ZFYVE28: variants seen among roughly 807,000 people sequenced by gnomAD.
ZFYVE28 encodes lateral signaling target protein 2 homolog.
In ZFYVE28, 40 loss-of-function variants were observed where a neutral mutation model predicts 82.1. That is an observed-to-expected ratio of 0.49 (90% CI 0.38 to 0.63). The LOEUF is 0.63. ZFYVE28 is among the 30% of genes least tolerant of loss of function. ZFYVE28 has a pLI of 0.00. For missense variants in ZFYVE28, 1,321 were observed against 1,242.1 expected, an observed-to-expected ratio of 1.06 and a Z score of -0.96; for synonymous variants, 612 against 546.1, an observed-to-expected ratio of 1.12 and a Z score of -1.68.
At position 2,372,801 on chromosome 4, in the gene ZFYVE28, C is replaced by T. The variant is rs1363993027; in HGVS notation, c.40-18728G>A. On this transcript the variant is annotated intron_variant, in intron 1 of 12. Coordinates refer to ENST00000290974, the MANE Select transcript of ZFYVE28 (RefSeq NM_020972.3). This position sits in a 1 kb window ranked among gnomAD's most constrained non-coding sequence, Gnocchi z 5.2. ...CTCCCTGGACCAAGGATGCTGCACA[C>T]CCCTAAGACCTAGCCTCCCCGAGGC... Among the ~76,000 whole-genome samples, 2 of 152,110 alleles carry T rather than the reference C, an allele frequency of 1.3e-5. No homozygotes were observed. Among genetic ancestry groups the T allele is most frequent in the African/African-American group, 4.8e-5 (2 of 41,406 alleles).
rs1691396597 is a variant in ZFYVE28, at chr4:2,409,352, C to T, written c.39+8933G>A. ...GTCCCAGCTTCCAATCTCGTCTCTC[C>T]CACAGCAGGCCTGGAAGGACCCCGC... On this transcript the variant is annotated intron_variant, in intron 1 of 12. Coordinates refer to ENST00000290974, the MANE Select transcript of ZFYVE28 (RefSeq NM_020972.3). The surrounding 1 kb of genome is among the most constrained non-coding windows in gnomAD (Gnocchi z 4.4). Among the ~76,000 whole-genome samples the T allele has an allele frequency of 6.6e-6, 1 of 152,084 alleles. No homozygotes were observed. The highest frequency in any genetic ancestry group is 6.6e-5 in the Admixed American group (1 of 15,266).
At chr4:2,395,507 G>A (rs75286588) in intron 1 of ZFYVE28, among the ~76,000 whole-genome samples, 1 of 152,190 alleles carries the variant, frequency 6.6e-6, no homozygotes, top group African/African-American at 2.4e-5. Context: ...AGTGTGAGGG[G>A]TGGGGACTCC....
chr4:2,407,055 A>G (rs1282246337), intron 1 of ZFYVE28, among the ~76,000 whole-genome samples: 1 of 151,996 alleles, frequency 6.6e-6, no homozygotes, highest in Non-Finnish European at 1.5e-5. Flanking sequence ...TGCCAGGAGC[A>G]CGGATGCTCA....
intron 1 of ZFYVE28, among the ~76,000 whole-genome samples, chr4:2,355,022 G>C (rs1725027903): frequency 6.6e-6 from 1 of 150,722 alleles, no homozygotes; most frequent in Non-Finnish European, 1.5e-5. Flanking sequence ...GTCTTCAACT[G>C]CAACCACCAC....
At chr4:2,402,371 TG>T (rs955566346) in intron 1 of ZFYVE28, among the ~76,000 whole-genome samples, 2 of 152,108 alleles carry the variant, frequency 1.3e-5, no homozygotes, top group Non-Finnish European at 2.9e-5. Context: ...CCCCGCCCGC[TG>T]CAGGAGCAGA....
intron 1 of ZFYVE28, among the ~76,000 whole-genome samples, chr4:2,401,162 C>G (rs769174527): frequency 6.6e-6 from 1 of 152,204 alleles, no homozygotes; most frequent in African/African-American, 2.4e-5. Context: ...GAAACATTTG[C>G]TCCATGGAAC....
At chr4:2,405,396 G>T (rs1731765478) in intron 1 of ZFYVE28, among the ~76,000 whole-genome samples, 2 of 152,252 alleles carry the variant, frequency 1.3e-5, no homozygotes, top group Admixed American at 1.3e-4. Context: ...AAGACCAATG[G>T]GACTTCCTTG....
chr4:2,271,256 G>A, intron 12 of ZFYVE28, 55 bp downstream of exon 12: 1 of 1,551,054 alleles, frequency 6.4e-7, no homozygotes, highest in Non-Finnish European at 8.8e-7. Context: ...CTCAGGCTCT[G>A]TCCGTGGACG....
chr4:2,346,678 G>A (rs6824938), intron 2 of ZFYVE28, among the ~76,000 whole-genome samples: 30,442 of 152,012 alleles, frequency 0.2, 3,792 homozygotes, highest in African/African-American at 0.35. Context: ...AATGTCATTT[G>A]AAGGTATCTG....
At chr4:2,273,532 G>A (rs1223456484) in intron 9 of ZFYVE28, among the ~76,000 whole-genome samples, 3 of 152,198 alleles carry the variant, frequency 2.0e-5, no homozygotes, top group South Asian at 2.1e-4. Context: ...CGCCACAGTC[G>A]GTCTGCCGCT....
Position 2,341,716 on chromosome 4 carries a change from G to C in ZFYVE28, c.181-101C>G. ...GCACGGTGCATGTGACTGTTTTTTAGGATTATTAAAGTGATAGAGGAGGCT... is the reference window on the plus strand; with the variant it reads ...GCACGGTGCATGTGACTGTTTTTTACGATTATTAAAGTGATAGAGGAGGCT... On this transcript the variant is annotated intron_variant, in intron 2 of 12. Coordinates refer to ENST00000290974, the MANE Select transcript of ZFYVE28 (RefSeq NM_020972.3). This position sits in a 1 kb window ranked among gnomAD's most constrained non-coding sequence, Gnocchi z 4.5. 1 of 1,504,152 alleles carries C rather than the reference G, an allele frequency of 6.6e-7. No individual in the cohort carries two copies. Among genetic ancestry groups the C allele is most frequent in the East Asian group, 2.3e-5 (1 of 43,506 alleles). The allele number at this position is 1,504,152 out of a possible 1,614,324, so 93.2% of individuals were successfully genotyped here. A position where few individuals can be genotyped will look rare whatever the true frequency, so the allele number is the denominator to read the frequency against.
At chr4:2,399,821 C>T (rs3128783) in intron 1 of ZFYVE28, among the ~76,000 whole-genome samples, 129,016 of 151,956 alleles carry the variant, frequency 0.85, 54,926 homozygotes, top group Admixed American at 0.9. Context: ...CAAACGCTGC[C>T]GGACGTGAGC....
intron 7 of ZFYVE28, among the ~76,000 whole-genome samples, chr4:2,317,437 C>G (rs1373130108): frequency 6.6e-6 from 1 of 152,182 alleles, no homozygotes; most frequent in Admixed American, 6.5e-5. Context: ...CCTTCGGACA[C>G]GGAGTAGGTT....
intron 2 of ZFYVE28, among the ~76,000 whole-genome samples, chr4:2,342,338 C>T (rs565786673): frequency 1.3e-5 from 2 of 152,336 alleles, no homozygotes; most frequent in East Asian, 1.9e-4. Context: ...CAGGTCACTT[C>T]GCCTCTCTGA....
At chr4:2,344,672 G>T (rs1021830326) in intron 2 of ZFYVE28, among the ~76,000 whole-genome samples, 1 of 150,778 alleles carries the variant, frequency 6.6e-6, no homozygotes, top group Non-Finnish European at 1.5e-5. Context: ...CAAGGTGGGT[G>T]GATCACCTGA....
rs749513788 is a variant in ZFYVE28, at chr4:2,304,450, AGTGGGGG to A, written c.1883_1889del (p.Ala628ValfsTer120). ...AGGTGTGAGGCAGGCACTTGTCGGA[AGTGGGGG>A]CTTTGGGCTCCCGCCCGTTGGAGGC... On this transcript the variant is annotated frameshift_variant, in exon 8 of 13. Coordinates refer to ENST00000290974, the MANE Select transcript of ZFYVE28 (RefSeq NM_020972.3). LOFTEE classifies it high-confidence loss of function. The A allele has an allele frequency of 6.2e-7, 1 of 1,613,642 alleles. No individual in the cohort carries two copies. The highest frequency in any genetic ancestry group is 2.2e-5 in the East Asian group (1 of 44,884).
At chr4:2,357,930 C>G (rs142574416) in intron 1 of ZFYVE28, among the ~76,000 whole-genome samples, 2,029 of 152,308 alleles carry the variant, frequency 0.013, 20 homozygotes, top group Middle Eastern at 0.034. Context: ...ACGGGCCCCT[C>G]GCTGCTTGGT....
Position 2,304,314 on chromosome 4 carries a change from C to A in ZFYVE28, c.2026G>T (p.Ala676Ser), listed in dbSNP as rs770775253. Reference protein sequence around the residue: ...LHAGSPSAHEAPQALSGSSSS... With the variant: ...LHAGSPSAHESPQALSGSSSS... ...CTGGAGCCCGACAGGGCCTGAGGCG[C>A]CTCGTGAGCCGAGGGGCTCCCAGCA... Residue 676 changes from alanine (A) to serine (S), a missense_variant, in exon 8 of 13, where the codon GCG (alanine) becomes TCG (serine). By Grantham distance (99) the Ala-to-Ser change is moderately conservative. Coordinates refer to ENST00000290974, the MANE Select transcript of ZFYVE28 (RefSeq NM_020972.3). The A allele has an allele frequency of 4.4e-6, 7 of 1,595,734 alleles. No individual in the cohort carries two copies. Among genetic ancestry groups the A allele is most frequent in the Non-Finnish European group, 6.0e-6 (7 of 1,175,904 alleles).
intron 1 of ZFYVE28, among the ~76,000 whole-genome samples, chr4:2,402,306 C>T (rs951259254): frequency 6.6e-6 from 1 of 152,176 alleles, no homozygotes; most frequent in Non-Finnish European, 1.5e-5. Flanking sequence ...GGGCTTGGAT[C>T]AGTAAGTCGG....
Sources: gnomAD v4.1 joint callset for allele counts (sites outside exome capture counted in the v4.1 genomes callset) on GRCh38, gnomAD v4.1.1 for gene constraint, Gnocchi (gnomAD v3.1) non-coding constraint, MANE v1.5 for transcripts, NCBI Gene and HGNC (gene_info 2026-07-23, HGNC 2026-07-21) for gene names.